Variants in ME3 observed in about 807,000 individuals in gnomAD.
The protein encoded by ME3 is NADP-dependent malic enzyme, mitochondrial.
A neutral mutation model predicts 68.9 loss-of-function variants in ME3; 48 were observed. The observed-to-expected ratio is 0.70, with a 90% CI of 0.55 to 0.89. The LOEUF (loss-of-function observed/expected upper bound fraction) is 0.89, where lower values mean the gene tolerates loss of function less well. Among genes scored for constraint, ME3 ranks in the 40% least tolerant of loss-of-function variants. ME3 has a pLI of 0.00. For missense variants in ME3, 675 were observed against 797.4 expected (o/e 0.85, Z 1.85); for synonymous variants, 320 against 318.8 (o/e 1.00, Z -0.04).
exon 15 of ME3, chr11:86,441,260 ACTAGCCT>A: frequency 6.4e-7 from 1 of 1,560,840 alleles, no homozygotes; most frequent in Non-Finnish European, 8.6e-7. Context: ...CTAGCCCCAT[ACTAGCCT>A]CTGAGACTGC....
intron 3 of ME3, among the ~76,000 whole-genome samples, chr11:86,557,662 G>A (rs1957000559): frequency 6.6e-6 from 1 of 152,110 alleles, no homozygotes; most frequent in South Asian, 2.1e-4. Flanking sequence ...TCCTTTGGTG[G>A]AAAACTAAAA....
At chr11:86,445,260 C>T (rs760987824) in intron 13 of ME3, among the ~76,000 whole-genome samples, 3 of 152,152 alleles carry the variant, frequency 2.0e-5, no homozygotes, top group Non-Finnish European at 4.4e-5. Flanking sequence ...AAGTAGTGTG[C>T]GTGGGGCTGG....
At chr11:86,649,566 C>A (rs372228702) in intron 2 of ME3, among the ~76,000 whole-genome samples, 20 of 152,260 alleles carry the variant, frequency 1.3e-4, no homozygotes, top group African/African-American at 4.3e-4. Context: ...TAGAAAACAC[C>A]ATCGTCTCAA....
intron 4 of ME3, among the ~76,000 whole-genome samples, chr11:86,550,410 T>G (rs566462421): frequency 1.3e-5 from 2 of 152,190 alleles, no homozygotes; most frequent in South Asian, 4.1e-4. Flanking sequence ...AGGGGATGAT[T>G]GAGGGCAAGA....
chr11:86,496,325 G>A (rs1485595156), intron 6 of ME3, among the ~76,000 whole-genome samples: 1 of 152,120 alleles, frequency 6.6e-6, no homozygotes, highest in Non-Finnish European at 1.5e-5. Flanking sequence ...AGAATTGCTT[G>A]AACCAGGGAA....
chr11:86,576,299 T>C lies in ME3; in HGVS notation c.184-16476A>G, dbSNP rs138523915. On this transcript the variant is annotated intron_variant, in intron 2 of 14. Coordinates refer to ENST00000543262, the Ensembl canonical transcript of ME3. The stretch of plus-strand genomic sequence containing the variant: ...CTAAAGAGAGGAGGCCAAGAGAAGT[T>C]GCCACACAGATCTTAATGATAGTAA... Among the ~76,000 whole-genome samples the C allele has an allele frequency of 1.3e-3, 202 of 152,222 alleles. 2 individuals are homozygous for C. The highest frequency in any genetic ancestry group is 4.6e-3 in the African/African-American group (193 of 41,536).
intron 7 of ME3, among the ~76,000 whole-genome samples, chr11:86,470,300 C>A (rs1188147579): frequency 6.6e-6 from 1 of 152,088 alleles, no homozygotes; most frequent in Non-Finnish European, 1.5e-5. Flanking sequence ...GTTCCCCTCC[C>A]CCCAGAAAAA....
chr11:86,542,598 T>G (rs1956115507), intron 4 of ME3, among the ~76,000 whole-genome samples: 1 of 151,716 alleles, frequency 6.6e-6, no homozygotes, highest in Non-Finnish European at 1.5e-5. Flanking sequence ...GAAGACAAGA[T>G]TAGAGAAAAA....
chr11:86,568,707 A>T (rs1957619096), intron 2 of ME3, among the ~76,000 whole-genome samples: 2 of 152,130 alleles, frequency 1.3e-5, no homozygotes, highest in Admixed American at 1.3e-4. Flanking sequence ...CCCATTCCTT[A>T]TGTCTGAGTT....
In ME3 at chr11:86,595,314, G is replaced by T. The variant is rs527245677; in HGVS notation, c.184-35491C>A. 2.0e-3 allele frequency among the ~76,000 whole-genome samples: 263 copies of T among 133,690 alleles called. 21 individuals are homozygous for T. Among genetic ancestry groups the T allele is most frequent in the East Asian group, 5.9e-3 (22 of 3,714 alleles). The allele number at this position is 133,690 out of a possible 152,430, so 87.7% of individuals were successfully genotyped here. Reference sequence around the variant, plus strand: ...ATACATATATATATATATAGAGAGAGAGAGAGAGAGAGAGAGAGCTTATTA... The same window carrying T: ...ATACATATATATATATATAGAGAGATAGAGAGAGAGAGAGAGAGCTTATTA... On this transcript the variant is annotated intron_variant, in intron 2 of 14. Transcript: ENST00000543262.
At chr11:86,669,241 C>G (rs1161334730) in intron 2 of ME3, among the ~76,000 whole-genome samples, 1 of 152,226 alleles carries the variant, frequency 6.6e-6, no homozygotes, top group Non-Finnish European at 1.5e-5. Flanking sequence ...AGGCTGTCAG[C>G]CTCCTTCTAG....
chr11:86,631,564 G>C (rs1944018220), intron 2 of ME3, among the ~76,000 whole-genome samples: 1 of 152,102 alleles, frequency 6.6e-6, no homozygotes, highest in African/African-American at 2.4e-5. Context: ...CTCCTTCTCA[G>C]ACCTAATAGA....
chr11:86,462,552 G>A, intron 8 of ME3: 1 of 1,263,076 alleles, frequency 7.9e-7, no homozygotes, highest in Non-Finnish European at 1.0e-6. Flanking sequence ...GGTGTCCAGT[G>A]TAGACATACT....
chr11:86,551,746 T>G (rs1956695673), intron 4 of ME3, among the ~76,000 whole-genome samples: 1 of 152,228 alleles, frequency 6.6e-6, no homozygotes, highest in Admixed American at 6.5e-5. Flanking sequence ...TTGGCCAGTG[T>G]GCAGAAGACC....
At chr11:86,441,133 G>A in exon 15 of ME3, 1 of 744,620 alleles carries the variant, frequency 1.3e-6, no homozygotes, top group Non-Finnish European at 1.9e-6. Context: ...TTTATTCACT[G>A]TATGCCTTGG....
In ME3 at chr11:86,465,208, G is replaced by A; in HGVS notation, c.810-8C>T. Reference sequence around the variant, plus strand: ...AGGCAATTTATTCCAAACCTGTGTGGAGGGAGAGGAAGAAACCCATGATTG... The same window carrying A: ...AGGCAATTTATTCCAAACCTGTGTGAAGGGAGAGGAAGAAACCCATGATTG... On this transcript the variant is annotated splice_region_variant and splice_polypyrimidine_tract_variant and intron_variant, in intron 7 of 14. Coordinates refer to ENST00000543262, the Ensembl canonical transcript of ME3. The A allele has an allele frequency of 6.3e-7, 1 of 1,599,116 alleles. No individual in the cohort carries two copies. Among genetic ancestry groups the A allele is most frequent in the Admixed American group, 1.7e-5 (1 of 59,910 alleles).
chr11:86,525,897 G>A (rs1163771837), intron 4 of ME3, among the ~76,000 whole-genome samples: 1 of 150,538 alleles, frequency 6.6e-6, no homozygotes, highest in Non-Finnish European at 1.5e-5. Context: ...GTGGAGCCAA[G>A]AGGGCCTAAT....
intron 2 of ME3, among the ~76,000 whole-genome samples, chr11:86,663,840 G>A (rs573255492): frequency 6.5e-4 from 99 of 152,308 alleles, no homozygotes; most frequent in Middle Eastern, 3.4e-3. Flanking sequence ...CCAAAAAAAC[G>A]CCATATATGG....
At chr11:86,528,750 A>C (rs1048225011) in intron 4 of ME3, among the ~76,000 whole-genome samples, 48 of 151,900 alleles carry the variant, frequency 3.2e-4, no homozygotes, top group African/African-American at 1.2e-3. Flanking sequence ...CTGCTCCTGA[A>C]TGACTACTAG....
Sources: gnomAD v4.1 joint callset for allele counts (sites outside exome capture counted in the v4.1 genomes callset) on GRCh38, gnomAD v4.1.1 for gene constraint, MANE v1.5 for transcripts, NCBI Gene and HGNC (gene_info 2026-07-23, HGNC 2026-07-21) for gene names.